Variants in SLIT3 observed in about 807,000 individuals in gnomAD.
The protein encoded by SLIT3 is slit homolog 3 protein.
In SLIT3, 68 loss-of-function variants were observed where a neutral mutation model predicts 184.0. The observed-to-expected ratio is 0.37, with a 90% confidence interval of 0.30 to 0.45. SLIT3 has a LOEUF of 0.45. SLIT3 is among the 20% of genes least tolerant of loss of function. The pLI is 1.00. For missense variants in SLIT3, 1,707 were observed against 2,026.0 expected, an observed-to-expected ratio of 0.84 and a Z score of 3.02; for synonymous variants, 831 against 828.6, an observed-to-expected ratio of 1.00 and a Z score of -0.05.
chr5:169,034,110 C>A (rs551616568), intron 4 of SLIT3, among the ~76,000 whole-genome samples: 2 of 152,258 alleles, frequency 1.3e-5, no homozygotes, highest in South Asian at 4.1e-4. Context: ...CCACACCCAG[C>A]CTTTTGTATG....
intron 5 of SLIT3, among the ~76,000 whole-genome samples, chr5:168,845,539 G>A (rs1561964489): frequency 6.6e-6 from 1 of 152,028 alleles, no homozygotes; most frequent in Non-Finnish European, 1.5e-5. Flanking sequence ...TGAAAATAAT[G>A]TCTCTTAAAA....
chr5:169,133,169 A>T (rs1761367773), intron 4 of SLIT3, among the ~76,000 whole-genome samples: 1 of 152,006 alleles, frequency 6.6e-6, no homozygotes, highest in Non-Finnish European at 1.5e-5. Flanking sequence ...TTATATTTCT[A>T]CCTGTAGGCA....
At chr5:168,686,038 T>C in intron 30 of SLIT3, 111 bp from the exon 31 acceptor site, 2 of 1,254,556 alleles carry the variant, frequency 1.6e-6, no homozygotes, top group South Asian at 3.5e-5. Flanking sequence ...AGATGGGAAA[T>C]GACACTAGTT....
At chr5:169,161,172 T>G (rs951611597) in intron 4 of SLIT3, among the ~76,000 whole-genome samples, 2 of 152,188 alleles carry the variant, frequency 1.3e-5, no homozygotes, top group Admixed American at 6.5e-5. Flanking sequence ...AAATATGGCA[T>G]ACCATTTGGC....
At chr5:169,121,260 A>AC (rs1261770338) in intron 4 of SLIT3, among the ~76,000 whole-genome samples, 1 of 152,116 alleles carries the variant, frequency 6.6e-6, no homozygotes, top group Non-Finnish European at 1.5e-5. Context: ...AATACCTTAA[A>AC]CCTTTCTGAT....
chr5:169,226,348 C>T (rs563830489), intron 3 of SLIT3, among the ~76,000 whole-genome samples: 2 of 152,026 alleles, frequency 1.3e-5, no homozygotes, highest in African/African-American at 4.8e-5. Context: ...CTTTTCTTCC[C>T]CTGACCCTTC....
chr5:168,803,664 C>G (rs1335802423), intron 9 of SLIT3, among the ~76,000 whole-genome samples: 5 of 152,160 alleles, frequency 3.3e-5, no homozygotes, highest in Admixed American at 3.3e-4. Flanking sequence ...GCCTGGCTAC[C>G]TGGACTGGAC....
chr5:169,008,936 C>T (rs1329694719), intron 4 of SLIT3, among the ~76,000 whole-genome samples: 1 of 152,208 alleles, frequency 6.6e-6, no homozygotes, highest in Non-Finnish European at 1.5e-5. Flanking sequence ...TATTTATGTG[C>T]TGTCATTATT....
chr5:168,756,406 G>A (rs896823205), intron 16 of SLIT3, among the ~76,000 whole-genome samples: 1 of 152,224 alleles, frequency 6.6e-6, no homozygotes, highest in Admixed American at 6.5e-5. Flanking sequence ...GCCTGCGCTT[G>A]TGGGCAGGTG....
chr5:168,925,796 G>T (rs1452854360), intron 4 of SLIT3, among the ~76,000 whole-genome samples: 1 of 152,174 alleles, frequency 6.6e-6, no homozygotes, highest in Non-Finnish European at 1.5e-5. Context: ...AAAGGAAAGA[G>T]AATGTCGTTT....
At chr5:168,985,840 C>G (rs867672604) in intron 4 of SLIT3, among the ~76,000 whole-genome samples, 23 of 144,994 alleles carry the variant, frequency 1.6e-4, no homozygotes, top group African/African-American at 5.4e-4. Flanking sequence ...GGGATGATGG[C>G]GGGGGGTAGG....
At chr5:169,253,505 C>G (rs1240136507) in intron 1 of SLIT3, among the ~76,000 whole-genome samples, 2 of 152,142 alleles carry the variant, frequency 1.3e-5, no homozygotes, top group African/African-American at 4.8e-5. Flanking sequence ...CTGCCACTTA[C>G]TGAGTGATCT....
chr5:169,249,950 T>G (rs149243773), intron 2 of SLIT3, among the ~76,000 whole-genome samples: 3 of 152,350 alleles, frequency 2.0e-5, no homozygotes, highest in African/African-American at 7.2e-5. Flanking sequence ...TCCCCACACA[T>G]GTGTACATAA....
chr5:168,686,887 TGA>T (rs1283949566), intron 30 of SLIT3, 90 bp downstream of exon 30: 1 of 1,504,046 alleles, frequency 6.6e-7, no homozygotes, highest in Non-Finnish European at 9.1e-7. Flanking sequence ...CACCTGGGCC[TGA>T]GTCTCCATTC....
intron 10 of SLIT3, chr5:168,791,253 C>G (rs946671953): frequency 6.6e-6 from 1 of 152,176 alleles, no homozygotes; most frequent in Non-Finnish European, 1.5e-5. Context: ...GTGCTGAGAC[C>G]TCTAGTTGCA....
intron 3 of SLIT3, among the ~76,000 whole-genome samples, chr5:169,216,517 C>T (rs1159761881): frequency 2.6e-5 from 4 of 152,196 alleles, no homozygotes; most frequent in African/African-American, 9.7e-5. Context: ...GTAGCAAGTT[C>T]AGCAGTCTTC....
chr5:168,951,243 T>C (rs769284604), intron 4 of SLIT3, among the ~76,000 whole-genome samples: 6 of 152,024 alleles, frequency 3.9e-5, no homozygotes, highest in Non-Finnish European at 8.8e-5. Flanking sequence ...ACAAAACCCA[T>C]CAAATCTATT....
At chr5:169,282,201 C>T (rs962843909) in intron 1 of SLIT3, among the ~76,000 whole-genome samples, 5 of 152,194 alleles carry the variant, frequency 3.3e-5, no homozygotes, top group African/African-American at 1.2e-4. Flanking sequence ...AGGCTCAAGG[C>T]CTTGCTTTCA....
At chr5:169,038,767 G>A (rs573036737) in intron 4 of SLIT3, among the ~76,000 whole-genome samples, 8 of 136,160 alleles carry the variant, frequency 5.9e-5, no homozygotes, top group African/African-American at 2.6e-4. Flanking sequence ...GCGTTCTATG[G>A]CACCACATTG....
Sources: gnomAD v4.1 joint callset for allele counts (sites outside exome capture counted in the v4.1 genomes callset) on GRCh38, gnomAD v4.1.1 for gene constraint, MANE v1.5 for transcripts, NCBI Gene and HGNC (gene_info 2026-07-23, HGNC 2026-07-21) for gene names.